The following MARCHF8 variants were observed in gnomAD, a reference collection of about 807,000 sequenced individuals.
MARCHF8 encodes E3 ubiquitin-protein ligase MARCHF8.
MARCHF8 carries 40 observed loss-of-function variants against 51.6 expected under a neutral mutation model. The ratio of observed to expected loss-of-function variants is 0.77; its 90% CI spans 0.60 to 1.01. The LOEUF (loss-of-function observed/expected upper bound fraction) is 1.01, where lower values mean the gene tolerates loss of function less well. Among genes scored for constraint, MARCHF8 ranks in the 50% least tolerant of loss-of-function variants. The probability of loss-of-function intolerance (pLI) is 0.00; values close to 1 mark genes in which losing one functional copy is unlikely to be tolerated. For synonymous variants in MARCHF8, 263 were observed against 280.3 expected (o/e 0.94, Z 0.62); for missense variants, 685 against 708.6 (o/e 0.97, Z 0.38).
At chr10:45,534,197 C>T (rs187542274) in intron 1 of MARCHF8, among the ~76,000 whole-genome samples, 10 of 146,392 alleles carry the variant, frequency 6.8e-5, no homozygotes, top group South Asian at 2.2e-4. Context: ...ACCTCCCCCC[C>T]ACCAAAAAAA....
rs185074442 is a variant in MARCHF8, at chr10:45,546,246, C to T, written c.-78-12957G>A. ...TGCAATCTCGGCTCACTGAAACCTC[C>T]ACCTTCCTGGTTCAAGCGATTGCGC... On this transcript the variant is annotated intron_variant, in intron 1 of 6. Transcript: ENST00000319836. 7.0e-4 allele frequency among the ~76,000 whole-genome samples: 107 copies of T among 152,016 alleles called. 2 individuals are homozygous for T. In the South Asian group the frequency reaches 0.014, roughly 19 times the overall value.
chr10:45,549,738 G>A (rs1300450214), intron 1 of MARCHF8, among the ~76,000 whole-genome samples: 2 of 152,210 alleles, frequency 1.3e-5, no homozygotes, highest in Non-Finnish European at 2.9e-5. Context: ...TGAGGAAGTA[G>A]GTTAGTTATC....
At chr10:45,488,961 A>G (rs761821846) in intron 3 of MARCHF8, among the ~76,000 whole-genome samples, 1 of 152,086 alleles carries the variant, frequency 6.6e-6, no homozygotes, top group South Asian at 2.1e-4. Context: ...TCTGTGATCA[A>G]CTCTGCCCTG....
intron 2 of MARCHF8, among the ~76,000 whole-genome samples, chr10:45,520,027 G>A (rs1267821611): frequency 6.6e-6 from 1 of 152,136 alleles, no homozygotes; most frequent in African/African-American, 2.4e-5. Flanking sequence ...TGAGAACTAC[G>A]CACTCAGCAG....
At chr10:45,549,065 T>C (rs1199267438) in intron 1 of MARCHF8, among the ~76,000 whole-genome samples, 1 of 151,836 alleles carries the variant, frequency 6.6e-6, no homozygotes, top group African/African-American at 2.4e-5. Flanking sequence ...CTTCAGTGCT[T>C]GCCCTGCAGA....
At chr10:45,533,545 G>A (rs1419337712) in intron 1 of MARCHF8, among the ~76,000 whole-genome samples, 1 of 152,060 alleles carries the variant, frequency 6.6e-6, no homozygotes, top group African/African-American at 2.4e-5. Context: ...ATCTTCCATT[G>A]GCTACTTAGG....
intron 1 of MARCHF8, among the ~76,000 whole-genome samples, chr10:45,574,375 T>C (rs113637720): frequency 0.062 from 9,389 of 152,168 alleles, 334 homozygotes; most frequent in Non-Finnish European, 0.066. Flanking sequence ...TTTGCCTATC[T>C]ACCCCGTGGT....
intron 2 of MARCHF8, among the ~76,000 whole-genome samples, chr10:45,529,570 C>T (rs1308463242): frequency 6.6e-6 from 1 of 152,076 alleles, no homozygotes; most frequent in Non-Finnish European, 1.5e-5. Context: ...GCAGACTATG[C>T]ATCTTACAAA....
intron 1 of MARCHF8, among the ~76,000 whole-genome samples, chr10:45,561,724 C>T (rs1158036396): frequency 6.7e-6 from 1 of 150,168 alleles, no homozygotes; most frequent in East Asian, 2.0e-4. Flanking sequence ...CACGGTGAAA[C>T]CCTGTCTCTA....
In MARCHF8 at chr10:45,577,254, G is replaced by A. The variant is rs573644424; in HGVS notation, c.-79+16981C>T. Among the ~76,000 whole-genome samples, 9 of 150,640 alleles carry A rather than the reference G, an allele frequency of 6.0e-5. 1 individual carries two copies. The highest frequency in any genetic ancestry group is 2.7e-4 in the Admixed American group (4 of 15,086). Reference sequence around the variant, plus strand: ...AATGGGGGGCTGTGGGGAAGGTGGGGATGGTTAATGGGCACAAAAAAAAAA... The same window carrying A: ...AATGGGGGGCTGTGGGGAAGGTGGGAATGGTTAATGGGCACAAAAAAAAAA... On this transcript the variant is annotated intron_variant, in intron 1 of 6. Transcript: ENST00000319836.
intron 1 of MARCHF8, among the ~76,000 whole-genome samples, chr10:45,559,388 G>C (rs2044285591): frequency 6.6e-6 from 1 of 152,160 alleles, no homozygotes; most frequent in African/African-American, 2.4e-5. Context: ...TTGAGACGGA[G>C]TCTCACTCTG....
chr10:45,548,604 G>A (rs1179714487), intron 1 of MARCHF8, among the ~76,000 whole-genome samples: 1 of 152,122 alleles, frequency 6.6e-6, no homozygotes, highest in Non-Finnish European at 1.5e-5. Context: ...TTAAGAAAAG[G>A]GAAAAGAGAA....
At chr10:45,512,121 C>T (rs77620502) in intron 2 of MARCHF8, among the ~76,000 whole-genome samples, 2 of 145,742 alleles carry the variant, frequency 1.4e-5, no homozygotes, top group Non-Finnish European at 3.0e-5. Context: ...GATGTGAGAG[C>T]GCCCAGCCGC....
intron 2 of MARCHF8, among the ~76,000 whole-genome samples, chr10:45,511,358 T>C (rs115729208): frequency 7.2e-5 from 11 of 152,190 alleles, no homozygotes; most frequent in African/African-American, 2.6e-4. Context: ...AAGGTTGTTA[T>C]AGAAATTATA....
intron 1 of MARCHF8, among the ~76,000 whole-genome samples, chr10:45,585,608 G>A (rs1052735881): frequency 2.0e-5 from 3 of 152,142 alleles, no homozygotes; most frequent in African/African-American, 7.2e-5. Flanking sequence ...TAGCAGTTAT[G>A]TCTCTGGGAA....
At chr10:45,549,123 G>A (rs2044165472) in intron 1 of MARCHF8, among the ~76,000 whole-genome samples, 1 of 152,150 alleles carries the variant, frequency 6.6e-6, no homozygotes, top group Non-Finnish European at 1.5e-5. Flanking sequence ...TGAAGGAGAG[G>A]TCAAGGCTCC....
At chr10:45,523,791 A>G (rs2043747600) in intron 2 of MARCHF8, among the ~76,000 whole-genome samples, 1 of 152,144 alleles carries the variant, frequency 6.6e-6, no homozygotes, top group Non-Finnish European at 1.5e-5. Context: ...TTACCGCACA[A>G]CCAGACAAGA....
intron 2 of MARCHF8, among the ~76,000 whole-genome samples, chr10:45,512,674 C>A (rs1185986302): frequency 6.6e-6 from 1 of 151,914 alleles, no homozygotes; most frequent in East Asian, 1.9e-4. Context: ...GCCGTCCCTA[C>A]TGGGATGTGA....
intron 2 of MARCHF8, among the ~76,000 whole-genome samples, chr10:45,506,653 A>G (rs1363915207): frequency 6.6e-6 from 1 of 152,242 alleles, no homozygotes; most frequent in African/African-American, 2.4e-5. Flanking sequence ...ATAACTAAGC[A>G]TAAATTTAAT....
Sources: allele counts gnomAD v4.1 joint callset (sites outside exome capture counted in the v4.1 genomes callset), GRCh38; gene constraint gnomAD v4.1.1; transcripts MANE v1.5; gene names NCBI Gene and HGNC (gene_info 2026-07-23, HGNC 2026-07-21).